Variants in PIK3CA observed in about 807,000 individuals in gnomAD.
The protein encoded by PIK3CA is phosphatidylinositol-4,5-bisphosphate 3-kinase catalytic subunit alpha.
PIK3CA carries 27 observed loss-of-function variants against 138.2 expected under a neutral mutation model. The observed-to-expected ratio is 0.20, with a 90% CI of 0.14 to 0.27. The LOEUF (loss-of-function observed/expected upper bound fraction) is 0.27, where lower values mean the gene tolerates loss of function less well. Ranked by LOEUF, PIK3CA falls within the 10% of genes least tolerant of loss-of-function variation. The probability of loss-of-function intolerance (pLI) is 1.00; values close to 1 mark genes in which losing one functional copy is unlikely to be tolerated. For missense variants in PIK3CA, 544 were observed against 1,277.4 expected, an observed-to-expected ratio of 0.43 and a Z score of 8.75; for synonymous variants, 358 against 413.2, an observed-to-expected ratio of 0.87 and a Z score of 1.62.
At chr3:179,150,084 A>G (rs1722972208) in intron 1 of PIK3CA, among the ~76,000 whole-genome samples, 1 of 151,202 alleles carries the variant, frequency 6.6e-6, no homozygotes, top group South Asian at 2.1e-4. Flanking sequence ...TCTAAACATC[A>G]CATGTTCTGG....
rs767760912 is a variant in PIK3CA, at chr3:179,187,917, A to G, written c.-76-10833A>G. ...CTCCCAAAATGCTGGGATTATAGGC[A>G]TGAGCCACCATGCCCGACCCTCATT... On this transcript the variant is annotated intron_variant, in intron 1 of 20. Transcript: ENST00000263967. Among the ~76,000 whole-genome samples, 12 of 152,154 alleles carry G rather than the reference A, an allele frequency of 7.9e-5. 1 individual carries two copies. The South Asian group carries it at 8.3e-4, about 10-fold the overall frequency.
chr3:179,230,115 T>C lies in PIK3CA; in HGVS notation c.2778T>C (p.Asp926=). The change falls in exon 19 of 21, where the codon GAT becomes GAC. Residue 926 remains aspartate, a synonymous_variant. Transcript: ENST00000263967. This position sits in a 1 kb window ranked among gnomAD's most constrained non-coding sequence, Gnocchi z 5.4. ...ATAGTAACATCATGGTGAAAGACGA[T>C]GGACAAGTAATGGTTTTCTCTGTTT... ...RHNSNIMVKD[D]GQLFHIDFGH... 6.2e-7 allele frequency: 1 copy of C among 1,607,054 alleles called. No individual in the cohort carries two copies. The highest frequency in any genetic ancestry group is 1.7e-4 in the Middle Eastern group (1 of 6,044).
In PIK3CA at chr3:179,217,660, ATAT is replaced by A. The variant is rs899502476; in HGVS notation, c.1540-545_1540-543del. On this transcript the variant is annotated intron_variant, in intron 9 of 20. Transcript: ENST00000263967. ...ACATTGCTTGGAATTATACAAAAAA[ATAT>A]TATTTTTCGTTTTCTAATATTCAGG... Among the ~76,000 whole-genome samples, 7 of 152,020 alleles carry A rather than the reference ATAT, an allele frequency of 4.6e-5. No individual in the cohort carries two copies. In the South Asian group the frequency reaches 6.2e-4, roughly 14 times the overall value.
intron 1 of PIK3CA, among the ~76,000 whole-genome samples, chr3:179,163,239 A>G (rs919291286): frequency 6.6e-6 from 1 of 152,220 alleles, no homozygotes; most frequent in Non-Finnish European, 1.5e-5. Flanking sequence ...TGAAGAGTTA[A>G]TTGGAAAAGA....
intron 2 of PIK3CA, 106 bp from the exon 3 acceptor site, chr3:179,199,584 C>T: frequency 2.6e-6 from 2 of 782,440 alleles, no homozygotes; most frequent in Non-Finnish European, 4.0e-6. Flanking sequence ...ACTTTTTTTA[C>T]TTTATTGTGA....
chr3:179,185,938 A>T (rs1373843950), intron 1 of PIK3CA, among the ~76,000 whole-genome samples: 1 of 152,182 alleles, frequency 6.6e-6, no homozygotes, highest in Non-Finnish European at 1.5e-5. Context: ...AGCATGATTG[A>T]TTAAATAATT....
intron 1 of PIK3CA, among the ~76,000 whole-genome samples, chr3:179,189,513 T>A (rs1373740000): frequency 6.6e-6 from 1 of 152,146 alleles, no homozygotes; most frequent in East Asian, 1.9e-4. Flanking sequence ...TAACCCAACC[T>A]TGGTCACATT....
chr3:179,222,813 A>G (rs1724999559), intron 14 of PIK3CA, among the ~76,000 whole-genome samples: 1 of 152,210 alleles, frequency 6.6e-6, no homozygotes, highest in South Asian at 2.1e-4. Flanking sequence ...TAAAAGTTCA[A>G]AATTTGACAT....
At chr3:179,185,454 A>G (rs1290514632) in intron 1 of PIK3CA, among the ~76,000 whole-genome samples, 1 of 152,224 alleles carries the variant, frequency 6.6e-6, no homozygotes, top group Non-Finnish European at 1.5e-5. Flanking sequence ...CTCCCCACCA[A>G]CAATCAGTCA....
At chr3:179,179,137 T>G (rs1723777297) in intron 1 of PIK3CA, among the ~76,000 whole-genome samples, 1 of 152,224 alleles carries the variant, frequency 6.6e-6, no homozygotes, top group Non-Finnish European at 1.5e-5. Flanking sequence ...AGGATAAGCA[T>G]AAGAATATTA....
intron 1 of PIK3CA, among the ~76,000 whole-genome samples, chr3:179,185,224 G>A (rs1301666426): frequency 1.3e-5 from 2 of 152,198 alleles, no homozygotes; most frequent in Non-Finnish European, 2.9e-5. Context: ...AACTTCAGGG[G>A]GGAGAAGTTC....
At chr3:179,223,386 G>A (rs1487409382) in intron 14 of PIK3CA, among the ~76,000 whole-genome samples, 1 of 152,126 alleles carries the variant, frequency 6.6e-6, no homozygotes, top group Non-Finnish European at 1.5e-5. Context: ...TCTGGGCTCT[G>A]ATTTGAATTG....
rs910671674 is a variant in PIK3CA, at chr3:179,236,654, G to C, written c.*2290G>C. 5 of 226,628 alleles carry C rather than the reference G, an allele frequency of 2.2e-5. No homozygotes were observed. The South Asian group carries it at 7.2e-4, about 33-fold the overall frequency. 14.0% of individuals were successfully genotyped at this position (226,628 alleles called of 1,614,324 possible). A position where few individuals can be genotyped will look rare whatever the true frequency, so the allele number is the denominator to read the frequency against. ...ATAGTTGTCTCCCCTCCTTCTCCCA[G>C]GACCTCTCCACCATTAAAATGCACA... On this transcript the variant is annotated 3_prime_UTR_variant, in exon 21 of 21. Coordinates refer to ENST00000263967, the MANE Select transcript of PIK3CA (RefSeq NM_006218.4).
At chr3:179,153,154 A>G (rs1354376549) in intron 1 of PIK3CA, among the ~76,000 whole-genome samples, 4 of 152,204 alleles carry the variant, frequency 2.6e-5, no homozygotes, top group Admixed American at 2.6e-4. Flanking sequence ...TCTTCTGGTC[A>G]GGACTAATTC....
chr3:179,161,053 A>G (rs1438292513), intron 1 of PIK3CA, among the ~76,000 whole-genome samples: 1 of 152,188 alleles, frequency 6.6e-6, no homozygotes, highest in Non-Finnish European at 1.5e-5. Flanking sequence ...AAGAGAGATC[A>G]AGTCTTCTTG....
At position 179,209,649 on chromosome 3, in the gene PIK3CA, T is replaced by C; in HGVS notation, c.1200T>C (p.Ala400=). The C allele has an allele frequency of 6.2e-7, 1 of 1,612,738 alleles. No individual in the cohort carries two copies. The highest frequency in any genetic ancestry group is 8.5e-7 in the Non-Finnish European group (1 of 1,179,100). The part of the protein sequence containing the change: ...DIYIPDLPRA[A]RLCLSICSVK... ...ACATTCCTGATCTTCCTCGTGCTGC[T>C]CGACTTTGCCTTTCCATTTGCTCTG... Residue 400 remains alanine, a synonymous_variant, in exon 7 of 21, where the codon GCT becomes GCC. Coordinates refer to ENST00000263967, the MANE Select transcript of PIK3CA (RefSeq NM_006218.4).
In PIK3CA at chr3:179,237,640, C is replaced by T. The variant is rs183045500; in HGVS notation, c.*3276C>T. ...CTGTATTCTTTTTTCCATCAAAAAT[C>T]GAGTGATTTGGAATTATAAAAAAAT... On this transcript the variant is annotated 3_prime_UTR_variant, in exon 21 of 21. Transcript: ENST00000263967. 9.6e-6 allele frequency: 2 copies of T among 207,872 alleles called. No homozygotes were observed. Among genetic ancestry groups the T allele is most frequent in the Admixed American group, 5.9e-5 (1 of 16,842 alleles). 12.9% of individuals were successfully genotyped at this position (207,872 alleles called of 1,614,324 possible). A position where few individuals can be genotyped will look rare whatever the true frequency, so the allele number is the denominator to read the frequency against.
intron 6 of PIK3CA, among the ~76,000 whole-genome samples, chr3:179,208,556 C>G (rs1724626708): frequency 1.3e-5 from 2 of 152,116 alleles, no homozygotes; most frequent in East Asian, 1.9e-4. Flanking sequence ...CTACTCCAGT[C>G]TGATTTCTGA....
chr3:179,195,893 A>C (rs911812468), intron 1 of PIK3CA, among the ~76,000 whole-genome samples: 1 of 152,194 alleles, frequency 6.6e-6, no homozygotes, highest in Non-Finnish European at 1.5e-5. Flanking sequence ...TGGTTTGTAC[A>C]GAATAAGGCC....
Sources: allele counts gnomAD v4.1 joint callset (sites outside exome capture counted in the v4.1 genomes callset), GRCh38; gene constraint gnomAD v4.1.1; non-coding constraint Gnocchi (gnomAD v3.1); transcripts MANE v1.5; gene names NCBI Gene and HGNC (gene_info 2026-07-23, HGNC 2026-07-21).